TBC1D22A: variants seen among roughly 807,000 people sequenced by gnomAD.
TBC1D22A encodes the protein putative GTPase activator.
A neutral mutation model predicts 60.2 loss-of-function variants in TBC1D22A; 38 were observed. The ratio of observed to expected loss-of-function variants is 0.63; its 90% CI spans 0.49 to 0.83. TBC1D22A has a LOEUF of 0.83. Among genes scored for constraint, TBC1D22A ranks in the 40% least tolerant of loss-of-function variants. The pLI, the probability that TBC1D22A is intolerant of heterozygous loss-of-function variation, is 0.00. For synonymous variants in TBC1D22A, 302 were observed against 281.7 expected (o/e 1.07, Z -0.72); for missense variants, 628 against 701.0 (o/e 0.90, Z 1.18).
At chr22:46,941,206 T>TTTACAC (rs1344691145) in intron 8 of TBC1D22A, among the ~76,000 whole-genome samples, 5 of 55,786 alleles carry the variant, frequency 9.0e-5, no homozygotes, top group African/African-American at 3.6e-4. Context: ...TGTATATATG[T>TTTACAC]ATACACACAC....
intron 4 of TBC1D22A, among the ~76,000 whole-genome samples, chr22:46,800,393 T>C (rs1188958759): frequency 6.6e-6 from 1 of 151,862 alleles, no homozygotes; most frequent in African/African-American, 2.4e-5. Flanking sequence ...AGTCTAGTCT[T>C]GTAGTTGACG....
intron 10 of TBC1D22A, among the ~76,000 whole-genome samples, chr22:47,000,311 G>T (rs2075270422): frequency 6.6e-6 from 1 of 152,132 alleles, no homozygotes. Flanking sequence ...AGGGAAGCCT[G>T]GTGAGGGGTG....
chr22:46,897,640 GT>G (rs1210846664), intron 7 of TBC1D22A, among the ~76,000 whole-genome samples: 10 of 108,378 alleles, frequency 9.2e-5, no homozygotes, highest in African/African-American at 2.5e-4. Flanking sequence ...GTTTCGTTTT[GT>G]TTTTTTTTGT....
At position 46,904,157 on chromosome 22, in the gene TBC1D22A, A is replaced by ATCTATCTATCTG. The variant is rs1340570367; in HGVS notation, c.901-7917_901-7916insTCTATCTATCTG. On this transcript the variant is annotated intron_variant, in intron 7 of 12. Coordinates refer to ENST00000337137, the MANE Select transcript of TBC1D22A (RefSeq NM_014346.5). ...TATCTATCTATCTACCTACCTACCT[A>ATCTATCTATCTG]CCTACCTACCTACCTACCAGTCTGA... Among the ~76,000 whole-genome samples, 435 of 145,210 alleles carry ATCTATCTATCTG rather than the reference A, an allele frequency of 3.0e-3. 5 individuals are homozygous for ATCTATCTATCTG. Among genetic ancestry groups the ATCTATCTATCTG allele is most frequent in the African/African-American group, 0.011 (408 of 38,592 alleles).
chr22:47,080,503 T>A (rs1264494195), intron 11 of TBC1D22A, among the ~76,000 whole-genome samples: 1 of 152,118 alleles, frequency 6.6e-6, no homozygotes, highest in African/African-American at 2.4e-5. Context: ...TAATCCGCGA[T>A]TCAAAGAAGT....
At chr22:46,911,462 C>T (rs1052078744) in intron 7 of TBC1D22A, among the ~76,000 whole-genome samples, 1 of 152,180 alleles carries the variant, frequency 6.6e-6, no homozygotes. Context: ...GAGGAAGTCT[C>T]CACTGATAGG....
intron 12 of TBC1D22A, among the ~76,000 whole-genome samples, chr22:47,163,291 A>G (rs1038943304): frequency 1.8e-4 from 27 of 152,158 alleles, no homozygotes; most frequent in African/African-American, 5.8e-4. Context: ...GTCCCCTCCC[A>G]ATGCCTGCAC....
chr22:46,901,723 C>A (rs2069010537), intron 7 of TBC1D22A, among the ~76,000 whole-genome samples: 1 of 152,112 alleles, frequency 6.6e-6, no homozygotes, highest in South Asian at 2.1e-4. Flanking sequence ...GGGGGATGTT[C>A]CTTGAATCAT....
chr22:46,854,302 G>A (rs921695123), intron 4 of TBC1D22A, among the ~76,000 whole-genome samples: 15 of 152,154 alleles, frequency 9.9e-5, no homozygotes, highest in African/African-American at 3.1e-4. Context: ...CTGCTCTCCA[G>A]GATGACAAAT....
At chr22:47,069,677 TC>T (rs2063893060) in intron 11 of TBC1D22A, among the ~76,000 whole-genome samples, 1 of 146,844 alleles carries the variant, frequency 6.8e-6, no homozygotes, top group Admixed American at 6.8e-5. Flanking sequence ...TCCCGGCTGT[TC>T]CCTGTTGTTT....
At chr22:46,917,418 G>A (rs983499923) in intron 8 of TBC1D22A, among the ~76,000 whole-genome samples, 41 of 152,276 alleles carry the variant, frequency 2.7e-4, no homozygotes, top group African/African-American at 9.4e-4. Flanking sequence ...ATGTCAAATA[G>A]GCTGCTGTGA....
chr22:47,095,801 C>T (rs1372287615), intron 11 of TBC1D22A, among the ~76,000 whole-genome samples: 2 of 152,206 alleles, frequency 1.3e-5, no homozygotes, highest in African/African-American at 2.4e-5. Flanking sequence ...CAGGAGCTGC[C>T]CCAGGCCTAT....
At chr22:47,104,935 C>G (rs1397690588) in intron 11 of TBC1D22A, among the ~76,000 whole-genome samples, 1 of 151,924 alleles carries the variant, frequency 6.6e-6, no homozygotes, top group African/African-American at 2.4e-5. Context: ...TTTCACTTGT[C>G]CCCCCTTTCT....
At chr22:46,806,579 A>G (rs1320276648) in intron 4 of TBC1D22A, among the ~76,000 whole-genome samples, 1 of 151,262 alleles carries the variant, frequency 6.6e-6, no homozygotes, top group Non-Finnish European at 1.5e-5. Context: ...TTATTTAGAA[A>G]ATATTATTTA....
chr22:47,131,611 C>T (rs1047027649), intron 12 of TBC1D22A, among the ~76,000 whole-genome samples: 2 of 152,336 alleles, frequency 1.3e-5, no homozygotes, highest in Admixed American at 6.5e-5. Context: ...TCTGCCCATG[C>T]GATGGGACCC....
intron 11 of TBC1D22A, among the ~76,000 whole-genome samples, chr22:47,038,156 A>G (rs1188342713): frequency 6.6e-6 from 1 of 152,202 alleles, no homozygotes; most frequent in Non-Finnish European, 1.5e-5. Flanking sequence ...AGCAGGCACC[A>G]TTATGTGGGA....
At chr22:46,895,524 A>G (rs1426560228) in intron 7 of TBC1D22A, among the ~76,000 whole-genome samples, 6 of 152,120 alleles carry the variant, frequency 3.9e-5, no homozygotes, top group African/African-American at 7.2e-5. Context: ...GGCACCCACC[A>G]CCACGCCCGG....
chr22:47,046,043 G>A (rs1404936758), intron 11 of TBC1D22A, among the ~76,000 whole-genome samples: 1 of 152,162 alleles, frequency 6.6e-6, no homozygotes, highest in African/African-American at 2.4e-5. Context: ...GGGCCCTGGT[G>A]ATGGGGAGAC....
chr22:46,867,958 C>A (rs903878418), intron 4 of TBC1D22A, among the ~76,000 whole-genome samples: 2 of 152,134 alleles, frequency 1.3e-5, no homozygotes, highest in East Asian at 3.8e-4. Flanking sequence ...AAAACAAAAA[C>A]CAAAAAGCAA....
Sources: gnomAD v4.1 joint callset for allele counts (sites outside exome capture counted in the v4.1 genomes callset) on GRCh38, gnomAD v4.1.1 for gene constraint, MANE v1.5 for transcripts, NCBI Gene and HGNC (gene_info 2026-07-23, HGNC 2026-07-21) for gene names.